The following POLR1C variants were observed in gnomAD, a reference collection of about 807,000 sequenced individuals.
The protein encoded by POLR1C is RNA polymerase I and III subunit C.
POLR1C carries 42 observed loss-of-function variants against 38.3 expected under a neutral mutation model. The ratio of observed to expected loss-of-function variants is 1.10; its 90% CI spans 0.86 to 1.42. The LOEUF is 1.42. Among genes scored for constraint, POLR1C ranks in the 40% most tolerant of loss-of-function variants. The pLI is 0.00. For missense variants in POLR1C, 507 were observed against 450.5 expected, an observed-to-expected ratio of 1.13 and a Z score of -1.14; for synonymous variants, 163 against 163.9, an observed-to-expected ratio of 0.99 and a Z score of 0.04.
chr6:43,531,679 C>T, downstream of POLR1C: 1 of 969,388 alleles, frequency 1.0e-6, no homozygotes, highest in Non-Finnish European at 1.7e-6. Flanking sequence ...AAGATGTGTG[C>T]ATGTCTGGTG....
At chr6:43,533,860 A>G, downstream of POLR1C, 1 of 1,428,890 alleles carries the variant, frequency 7.0e-7, no homozygotes, top group Non-Finnish European at 9.6e-7. Flanking sequence ...GGGGACATCC[A>G]TTAGGGATAA....
At chr6:43,522,699 T>G (rs932723165), downstream of POLR1C, 1 of 498,620 alleles carries the variant, frequency 2.0e-6, no homozygotes. Flanking sequence ...CCACTTCGGC[T>G]CTCGGGGAAA....
chr6:43,547,613 C>T (rs890887628), intron 9 of POLR1C: 1 of 1,613,880 alleles, frequency 6.2e-7, no homozygotes, highest in African/African-American at 1.3e-5. Flanking sequence ...CTTACTCGTG[C>T]ACGGTTTAAG....
At chr6:43,562,393 G>A in exon 11 of POLR1C, 1 of 1,390,422 alleles carries the variant, frequency 7.2e-7, no homozygotes, top group African/African-American at 1.4e-5. Flanking sequence ...TAAAAAGGCT[G>A]TAATAAAAAC....
intron 8 of POLR1C, chr6:43,528,911 G>A (rs1305764977): frequency 6.2e-7 from 1 of 1,612,700 alleles, no homozygotes; most frequent in Non-Finnish European, 8.5e-7. Flanking sequence ...AGCACCAGAG[G>A]CTTTACAAAG....
downstream of POLR1C, chr6:43,526,098 A>G (rs1793569926): frequency 6.5e-6 from 4 of 615,468 alleles, no homozygotes. Flanking sequence ...CTGATCTTCT[A>G]GAGATGCACT....
intron 9 of POLR1C, chr6:43,547,375 G>A: frequency 3.3e-6 from 2 of 605,100 alleles, no homozygotes; most frequent in South Asian, 1.6e-5. Context: ...GAGCTATTTA[G>A]AGATCCTTAA....
downstream of POLR1C, chr6:43,522,624 A>G (rs1431153555): frequency 7.4e-6 from 3 of 403,446 alleles, no homozygotes; most frequent in Non-Finnish European, 1.6e-5. Flanking sequence ...CTGCTTCCCC[A>G]GCTTTGCTTC....
chr6:43,526,629 G>A (rs1419274144), intron 8 of POLR1C: 1 of 1,597,138 alleles, frequency 6.3e-7, no homozygotes, highest in Non-Finnish European at 8.6e-7. Flanking sequence ...TGGTTCAGAA[G>A]GAACAGTATT....
chr6:43,559,975 C>T (rs1762325703), intron 10 of POLR1C, among the ~76,000 whole-genome samples: 1 of 152,172 alleles, frequency 6.6e-6, no homozygotes, highest in African/African-American at 2.4e-5. Context: ...TACCAACATG[C>T]CCTGCTAATT....
chr6:43,529,481 G>A, exon 9 of POLR1C: 1 of 285,554 alleles, frequency 3.5e-6, no homozygotes, highest in Non-Finnish European at 6.8e-6. Flanking sequence ...GTGAACCTGG[G>A]AGGCGAAGCT....
intron 2 of POLR1C, 150 bp downstream of exon 2, chr6:43,517,527 A>T (rs978368315): frequency 1.4e-6 from 1 of 705,508 alleles, no homozygotes; most frequent in Admixed American, 2.2e-5. Flanking sequence ...TACAGGCCAA[A>T]TTAGACACGG....
At chr6:43,528,268 A>C (rs1170326903) in intron 8 of POLR1C, 1 of 1,493,248 alleles carries the variant, frequency 6.7e-7, no homozygotes, top group African/African-American at 1.4e-5. Context: ...CATAATATCT[A>C]AAGTCAAGTC....
downstream of POLR1C, chr6:43,525,523 A>G (rs1582191963): frequency 1.6e-5 from 8 of 501,754 alleles, 1 homozygote; most frequent in East Asian, 2.7e-4. Context: ...TCAAAAAGAA[A>G]AAATCAAAAT....
chr6:43,553,559 A>T (rs1286551329), intron 10 of POLR1C: 2 of 1,518,068 alleles, frequency 1.3e-6, no homozygotes, highest in Non-Finnish European at 1.8e-6. Flanking sequence ...AATTATCAGC[A>T]TTGAAAGATC....
At chr6:43,524,035 G>A (rs1245488841), downstream of POLR1C, 3 of 1,604,994 alleles carry the variant, frequency 1.9e-6, no homozygotes, top group Non-Finnish European at 2.5e-6. Context: ...AAGAATTAAT[G>A]CTGGGCCCTC....
chr6:43,517,351 G>C lies in POLR1C; in HGVS notation c.115G>C (p.Ala39Pro). The C allele has an allele frequency of 6.2e-7, 1 of 1,614,094 alleles. No homozygotes were observed. Residue 39 changes from alanine (A) to proline (P), a missense_variant, in exon 2 of 9, where the codon GCC (alanine) becomes CCC (proline). Transcript: ENST00000642195. ...FPGNYSGYDD[A>P]WDQDRFEKNF... The stretch of plus-strand genomic sequence containing the variant: ...CGGTAACTATTCCGGTTATGATGAT[G>C]CCTGGGACCAGGACCGCTTCGAGAA...
At chr6:43,535,156 G>T (rs1322324992) in intron 9 of POLR1C, among the ~76,000 whole-genome samples, 1 of 151,862 alleles carries the variant, frequency 6.6e-6, no homozygotes, top group Non-Finnish European at 1.5e-5. Flanking sequence ...GCCGGACGTG[G>T]TGGTGGGTGC....
chr6:43,538,796 C>G, intron 9 of POLR1C: 1 of 783,712 alleles, frequency 1.3e-6, no homozygotes, highest in South Asian at 2.4e-5. Flanking sequence ...ACGCTTAATT[C>G]ACTTTATTTT....
Sources: allele counts gnomAD v4.1 joint callset (sites outside exome capture counted in the v4.1 genomes callset), GRCh38; gene constraint gnomAD v4.1.1; transcripts MANE v1.5; gene names NCBI Gene and HGNC (gene_info 2026-07-23, HGNC 2026-07-21).